Variants in NR5A2 observed in about 807,000 individuals in gnomAD.
NR5A2 encodes CYP7A promoter-binding factor.
A neutral mutation model predicts 62.7 loss-of-function variants in NR5A2; 26 were observed. The observed-to-expected ratio is 0.41, with a 90% CI of 0.30 to 0.58. The LOEUF is 0.58. Ranked by LOEUF, NR5A2 falls within the 20% of genes least tolerant of loss-of-function variation. The pLI is 0.22. For synonymous variants in NR5A2, 246 were observed against 241.7 expected (o/e 1.02, Z -0.16); for missense variants, 541 against 669.1 (o/e 0.81, Z 2.11).
chr1:200,048,214 G>A lies in NR5A2; in HGVS notation c.506G>A (p.Gly169Glu). Residue 169 changes from glycine (G) to glutamate (E), a missense_variant, in exon 5 of 8, where the codon GGG (glycine) becomes GAG (glutamate). Physicochemically the swap from Gly to Glu is moderately conservative, Grantham distance 98. This residue lies in a region of NR5A2 where 54 missense variants were observed against 123.8 expected (regional missense o/e 0.44). Transcript: ENST00000367362. This position sits in a 1 kb window ranked among gnomAD's most constrained non-coding sequence, Gnocchi z 4.8. ...ATGCGTGGAGGAAGGAATAAGTTTG[G>A]GCCAATGTACAAGAGAGACAGGGCC... ...DRMRGGRNKFGPMYKRDRALK... is the reference protein window; with the variant it reads ...DRMRGGRNKFEPMYKRDRALK... 1 of 1,613,724 alleles carries A rather than the reference G, an allele frequency of 6.2e-7. No homozygotes were observed. Among genetic ancestry groups the A allele is most frequent in the Non-Finnish European group, 8.5e-7 (1 of 1,179,864 alleles).
intron 5 of NR5A2, among the ~76,000 whole-genome samples, chr1:200,049,391 AT>A (rs1178652504): frequency 1.3e-5 from 2 of 152,152 alleles, no homozygotes; most frequent in Non-Finnish European, 2.9e-5. Context: ...GTTTACTGTC[AT>A]TGGATGGGGA....
At chr1:200,053,567 ACG>A (rs201001808) in intron 5 of NR5A2, among the ~76,000 whole-genome samples, 1 of 108,498 alleles carries the variant, frequency 9.2e-6, no homozygotes, top group Non-Finnish European at 1.9e-5. Context: ...CAGCATGCAC[ACG>A]CACACACACA....
chr1:200,158,183 T>C (rs1310389872), intron 7 of NR5A2, among the ~76,000 whole-genome samples: 2 of 152,000 alleles, frequency 1.3e-5, no homozygotes, highest in African/African-American at 2.4e-5. Flanking sequence ...TAATGCTTAA[T>C]TAAAGTAACA....
intron 6 of NR5A2, among the ~76,000 whole-genome samples, chr1:200,111,761 TGGTATAAA>T (rs1176534282): frequency 6.6e-6 from 1 of 152,114 alleles, no homozygotes; most frequent in Non-Finnish European, 1.5e-5. Context: ...TTGAAATAGT[TGGTATAAA>T]GGCAAATGAG....
intron 7 of NR5A2, among the ~76,000 whole-genome samples, chr1:200,164,926 G>C (rs1465002125): frequency 1.4e-5 from 2 of 139,310 alleles, no homozygotes; most frequent in South Asian, 2.3e-4. Context: ...ACCCAGGCTG[G>C]AGTGCAATGG....
chr1:200,106,452 C>A (rs1401941786), intron 5 of NR5A2, among the ~76,000 whole-genome samples: 1 of 152,152 alleles, frequency 6.6e-6, no homozygotes, highest in African/African-American at 2.4e-5. Context: ...GACTTGTATT[C>A]CTTTACACTC....
chr1:200,121,101 TTTTC>T, intron 7 of NR5A2, 146 bp downstream of exon 7: 7 of 830,346 alleles, frequency 8.4e-6, no homozygotes, highest in Non-Finnish European at 1.1e-5. Context: ...CGTGAATATA[TTTTC>T]ATATATATTT....
intron 7 of NR5A2, among the ~76,000 whole-genome samples, chr1:200,137,459 C>A (rs922855398): frequency 6.6e-6 from 1 of 152,080 alleles, no homozygotes; most frequent in Non-Finnish European, 1.5e-5. Context: ...AGCCACCACA[C>A]CTGGCCCAGA....
rs1267895003 is a variant in NR5A2 at position 200,174,969 on chromosome 1, A to G, written c.*759A>G. 1 of 152,676 alleles carries G rather than the reference A, an allele frequency of 6.5e-6. No homozygotes were observed. The allele number at this position is 152,676 out of a possible 1,614,324, so 9.5% of individuals were successfully genotyped here. The stretch of plus-strand genomic sequence containing the variant: ...TCATCTTATGTAAGTGTTAATTAAT[A>G]TTAAGGGAAATGACTACAAACTTTC... On this transcript the variant is annotated 3_prime_UTR_variant, in exon 8 of 8. Transcript: ENST00000367362.
chr1:200,073,698 C>A (rs1308428954), intron 5 of NR5A2, among the ~76,000 whole-genome samples: 1 of 151,940 alleles, frequency 6.6e-6, no homozygotes, highest in African/African-American at 2.4e-5. Context: ...CACACACACA[C>A]ACCACACACA....
At chr1:200,118,803 C>G (rs1168234252) in intron 6 of NR5A2, among the ~76,000 whole-genome samples, 2 of 152,254 alleles carry the variant, frequency 1.3e-5, no homozygotes, top group Non-Finnish European at 2.9e-5. Context: ...TGAGACGTCA[C>G]TTTGTGTGCT....
chr1:200,039,592 TAGC>T lies in NR5A2; in HGVS notation c.65-63_65-61del. On this transcript the variant is annotated intron_variant, in intron 1 of 7. Transcript: ENST00000367362. This position sits in a 1 kb window ranked among gnomAD's most constrained non-coding sequence, Gnocchi z 5.1. ...CTCCGGCGAGGCGAGAGGGTTGGGT[TAGC>T]AGGCATCCCGGTCGCCCCTTCCTTC... is the stretch of plus-strand genomic sequence containing the variant. 1 of 1,602,394 alleles carries T rather than the reference TAGC, an allele frequency of 6.2e-7. No homozygotes were observed. Among genetic ancestry groups the T allele is most frequent in the Non-Finnish European group, 8.5e-7 (1 of 1,174,756 alleles).
chr1:200,033,215 C>T (rs1416209614), intron 1 of NR5A2, among the ~76,000 whole-genome samples: 4 of 152,036 alleles, frequency 2.6e-5, no homozygotes, highest in African/African-American at 7.2e-5. Context: ...GGTAACAACT[C>T]GCAGGGTTAC....
intron 5 of NR5A2, among the ~76,000 whole-genome samples, chr1:200,099,287 G>T (rs761301616): frequency 2.6e-5 from 4 of 151,564 alleles, no homozygotes; most frequent in South Asian, 2.1e-4. Flanking sequence ...TTGGCCAACT[G>T]CCTGATGGAA....
intron 6 of NR5A2, among the ~76,000 whole-genome samples, chr1:200,113,821 G>A (rs1666076198): frequency 6.6e-6 from 1 of 152,104 alleles, no homozygotes; most frequent in Non-Finnish European, 1.5e-5. Flanking sequence ...ACAATGATGA[G>A]TGGAAGGAAA....
chr1:200,104,800 T>C (rs552406207), intron 5 of NR5A2, among the ~76,000 whole-genome samples: 51 of 152,226 alleles, frequency 3.4e-4, no homozygotes, highest in East Asian at 9.6e-4. Context: ...GTAGCTGGAA[T>C]TACAGGCACG....
intron 7 of NR5A2, among the ~76,000 whole-genome samples, chr1:200,127,687 A>ATAT (rs1390979970): frequency 3.6e-5 from 2 of 56,302 alleles, no homozygotes; most frequent in Admixed American, 2.0e-4. Context: ...AAAAAAAAAA[A>ATAT]AAAAAAAAAA....
chr1:200,101,398 T>C (rs565356111), intron 5 of NR5A2, among the ~76,000 whole-genome samples: 1 of 152,248 alleles, frequency 6.6e-6, no homozygotes, highest in Admixed American at 6.5e-5. Flanking sequence ...CATACCAGTG[T>C]CAAAAAATCA....
rs796224006 is a variant in NR5A2, at chr1:200,039,904, G to C, written c.202+109G>C. On this transcript the variant is annotated intron_variant, in intron 2 of 7. Transcript: ENST00000367362. This position sits in a 1 kb window ranked among gnomAD's most constrained non-coding sequence, Gnocchi z 5.1. ...CGCGGGCGCGGGAGTAGCCCCGCTG[G>C]GCGCTCGCAGCCGCGGGAGTCAAGC... 5 of 1,286,878 alleles carry C rather than the reference G, an allele frequency of 3.9e-6. No individual in the cohort carries two copies. In the African/African-American group the frequency reaches 8.0e-5, roughly 21 times the overall value. 79.7% of individuals were successfully genotyped at this position (1,286,878 alleles called of 1,614,324 possible).
Sources: allele counts gnomAD v4.1 joint callset (sites outside exome capture counted in the v4.1 genomes callset), GRCh38; gene constraint gnomAD v4.1.1; regional missense constraint gnomAD v4.1.1; non-coding constraint Gnocchi (gnomAD v3.1); transcripts MANE v1.5; gene names NCBI Gene and HGNC (gene_info 2026-07-23, HGNC 2026-07-21).